RUNDC3B: variants seen among roughly 807,000 people sequenced by gnomAD.
RUNDC3B encodes RUN domain-containing protein 3B.
Under a neutral mutation model 58.4 loss-of-function variants are expected in RUNDC3B, and 33 were observed. The ratio of observed to expected loss-of-function variants is 0.56; its 90% CI spans 0.43 to 0.75. The LOEUF (loss-of-function observed/expected upper bound fraction) is 0.75. RUNDC3B is among the 30% of genes least tolerant of loss of function. The probability of loss-of-function intolerance (pLI) is 0.00; values close to 1 mark genes in which losing one functional copy is unlikely to be tolerated. For synonymous variants in RUNDC3B, 193 were observed against 195.2 expected (o/e 0.99, Z 0.10); for missense variants, 501 against 535.7 (o/e 0.94, Z 0.64).
At chr7:87,816,119 G>T (rs1287767614) in intron 9 of RUNDC3B, 22 bp from the exon 10 acceptor site, 1 of 1,554,034 alleles carries the variant, frequency 6.4e-7, no homozygotes, top group East Asian at 2.3e-5. Context: ...AATTCAAGTA[G>T]TATTTCATCC....
intron 4 of RUNDC3B, among the ~76,000 whole-genome samples, 174 bp downstream of exon 4, chr7:87,710,829 A>C (rs938862482): frequency 1.3e-5 from 2 of 152,194 alleles, no homozygotes; most frequent in African/African-American, 4.8e-5. Flanking sequence ...TTGTCAACTA[A>C]ACATACATCT....
intron 10 of RUNDC3B, among the ~76,000 whole-genome samples, chr7:87,825,615 T>C (rs908766518): frequency 6.6e-6 from 1 of 152,126 alleles, no homozygotes; most frequent in Admixed American, 6.5e-5. Flanking sequence ...GATCCCAGAA[T>C]TGTAGATCCA....
chr7:87,719,922 A>G (rs1304073931), intron 4 of RUNDC3B, among the ~76,000 whole-genome samples: 1 of 151,406 alleles, frequency 6.6e-6, no homozygotes, highest in East Asian at 1.9e-4. Context: ...TATGTAGGTA[A>G]AATTCTTCTA....
chr7:87,792,915 T>C (rs1233786091), intron 8 of RUNDC3B, among the ~76,000 whole-genome samples: 1 of 151,958 alleles, frequency 6.6e-6, no homozygotes, highest in Non-Finnish European at 1.5e-5. Context: ...GAAAAAGTTG[T>C]TTTGAAAAGA....
chr7:87,808,225 AT>A (rs1836539333), intron 9 of RUNDC3B, among the ~76,000 whole-genome samples: 2 of 149,256 alleles, frequency 1.3e-5, no homozygotes, highest in African/African-American at 4.9e-5. Flanking sequence ...CTTCTGTTTG[AT>A]TTTTTCCCTT....
chr7:87,629,787 G>C (rs938571569), intron 1 of RUNDC3B, among the ~76,000 whole-genome samples: 2 of 151,892 alleles, frequency 1.3e-5, no homozygotes, highest in Admixed American at 6.6e-5. Context: ...TTAGCCGGGC[G>C]TGGTGGCGGG....
At chr7:87,789,992 A>T (rs912531191) in intron 8 of RUNDC3B, among the ~76,000 whole-genome samples, 1 of 152,198 alleles carries the variant, frequency 6.6e-6, no homozygotes, top group African/African-American at 2.4e-5. Context: ...GGCTGGCTTC[A>T]CTATCTGCTG....
intron 6 of RUNDC3B, among the ~76,000 whole-genome samples, chr7:87,748,842 A>G (rs1387456146): frequency 6.6e-6 from 1 of 152,202 alleles, no homozygotes; most frequent in Non-Finnish European, 1.5e-5. Flanking sequence ...GTGTAATGAC[A>G]CCGTGATTTC....
chr7:87,815,300 A>T lies in RUNDC3B; in HGVS notation c.1104-841A>T, dbSNP rs140208574. 4.7e-3 allele frequency among the ~76,000 whole-genome samples: 721 copies of T among 152,234 alleles called. 7 individuals are homozygous for T. The highest frequency in any genetic ancestry group is 8.0e-3 in the Non-Finnish European group (542 of 67,966). Reference sequence around the variant, plus strand: ...GTAAAATATATTTCTAGGAAATTAGATGGTGTTTGGCTACCTTAGGAAATA... The same window carrying T: ...GTAAAATATATTTCTAGGAAATTAGTTGGTGTTTGGCTACCTTAGGAAATA... On this transcript the variant is annotated intron_variant, in intron 9 of 10. Transcript: ENST00000394654.
chr7:87,661,719 G>A (rs1824735716), intron 2 of RUNDC3B, among the ~76,000 whole-genome samples: 1 of 152,032 alleles, frequency 6.6e-6, no homozygotes, highest in South Asian at 2.1e-4. Flanking sequence ...ACATTGGAGT[G>A]CAGCTATCTC....
At chr7:87,689,999 T>C (rs1827864377) in intron 2 of RUNDC3B, among the ~76,000 whole-genome samples, 1 of 152,066 alleles carries the variant, frequency 6.6e-6, no homozygotes, top group African/African-American at 2.4e-5. Flanking sequence ...TTTAAAAATT[T>C]TTAAATTTTT....
intron 2 of RUNDC3B, among the ~76,000 whole-genome samples, chr7:87,688,658 T>C (rs940528109): frequency 6.6e-6 from 1 of 151,982 alleles, no homozygotes; most frequent in African/African-American, 2.4e-5. Flanking sequence ...TATTTTTCAT[T>C]TGAGACTTTA....
chr7:87,677,437 G>T (rs190760965), intron 2 of RUNDC3B, among the ~76,000 whole-genome samples: 1 of 151,668 alleles, frequency 6.6e-6, no homozygotes, highest in Non-Finnish European at 1.5e-5. Context: ...CAAATACCAC[G>T]TGATCTCATG....
intron 4 of RUNDC3B, among the ~76,000 whole-genome samples, chr7:87,717,135 CT>C (rs1253121569): frequency 6.6e-6 from 1 of 152,070 alleles, no homozygotes; most frequent in Non-Finnish European, 1.5e-5. Flanking sequence ...AAATTAAACT[CT>C]TGGGTTAAAG....
intron 9 of RUNDC3B, among the ~76,000 whole-genome samples, chr7:87,808,058 T>A (rs990327901): frequency 6.6e-6 from 1 of 152,184 alleles, no homozygotes; most frequent in African/African-American, 2.4e-5. Flanking sequence ...AGTCTTAGGC[T>A]GTTTTCCTTT....
chr7:87,734,911 A>G (rs776372227), intron 4 of RUNDC3B, among the ~76,000 whole-genome samples: 2 of 151,980 alleles, frequency 1.3e-5, no homozygotes, highest in Non-Finnish European at 2.9e-5. Context: ...TTTTTCTGTC[A>G]TCTTTTCCAC....
intron 6 of RUNDC3B, among the ~76,000 whole-genome samples, chr7:87,749,485 A>G (rs1832836402): frequency 6.6e-6 from 1 of 152,216 alleles, no homozygotes; most frequent in South Asian, 2.1e-4. Flanking sequence ...CAACCTAGTC[A>G]TAAGCCAGTT....
At chr7:87,808,361 A>G (rs945242086) in intron 9 of RUNDC3B, among the ~76,000 whole-genome samples, 5 of 151,734 alleles carry the variant, frequency 3.3e-5, no homozygotes, top group African/African-American at 4.8e-5. Flanking sequence ...TTAGAGTCAC[A>G]TATCTATGTG....
At chr7:87,646,189 G>A (rs552550237) in intron 1 of RUNDC3B, among the ~76,000 whole-genome samples, 1 of 152,284 alleles carries the variant, frequency 6.6e-6, no homozygotes, top group South Asian at 2.1e-4. Context: ...TAACCTATGA[G>A]TAATGTAGAA....
Sources: allele counts gnomAD v4.1 joint callset (sites outside exome capture counted in the v4.1 genomes callset), GRCh38; gene constraint gnomAD v4.1.1; transcripts MANE v1.5; gene names NCBI Gene and HGNC (gene_info 2026-07-23, HGNC 2026-07-21).